The following KIAA0586 variants were observed in gnomAD, a reference collection of about 807,000 sequenced individuals.
KIAA0586 encodes the protein KIAA0586, also known as protein TALPID3.
In KIAA0586, 144 loss-of-function variants were observed where a neutral mutation model predicts 169.8. The observed-to-expected ratio is 0.85, with a 90% confidence interval of 0.74 to 0.97. The LOEUF (loss-of-function observed/expected upper bound fraction) is 0.97, where lower values mean the gene tolerates loss of function less well. KIAA0586 is among the 50% of genes least tolerant of loss of function. The probability of loss-of-function intolerance (pLI) is 0.00; values close to 1 mark genes in which losing one functional copy is unlikely to be tolerated. For synonymous variants in KIAA0586, 625 were observed against 612.4 expected (o/e 1.02, Z -0.30); for missense variants, 1,854 against 1,823.0 (o/e 1.02, Z -0.31).
chr14:58,458,552 C>A lies in KIAA0586; in HGVS notation c.1656+7C>A, dbSNP rs777449141. The stretch of plus-strand genomic sequence containing the variant: ...TATTTCTGCAGAAATTCAGGTATGT[C>A]TTGGAAAAAAACTGAAAATTAAGTG... On this transcript the variant is annotated splice_region_variant and intron_variant, in intron 12 of 30. Coordinates refer to ENST00000652326, the MANE Select transcript of KIAA0586 (RefSeq NM_001329943.3). 84 of 1,496,904 alleles carry A rather than the reference C, an allele frequency of 5.6e-5. No individual in the cohort carries two copies. The highest frequency in any genetic ancestry group is 7.5e-5 in the Non-Finnish European group (83 of 1,108,868). The allele number at this position is 1,496,904 out of a possible 1,614,324, so 92.7% of individuals were successfully genotyped here.
chr14:58,457,717 CGTT>C (rs1456392804), intron 10 of KIAA0586, 39 bp from the exon 11 acceptor site: 3 of 1,247,676 alleles, frequency 2.4e-6, no homozygotes, highest in Admixed American at 2.3e-5. Context: ...TTAAAGGAAT[CGTT>C]GTGAGTTTAG....
chr14:58,503,200 A>G (rs913531381), intron 27 of KIAA0586, among the ~76,000 whole-genome samples: 1 of 152,220 alleles, frequency 6.6e-6, no homozygotes, highest in African/African-American at 2.4e-5. Context: ...TATACCTAGA[A>G]CTATGTAAGT....
At chr14:58,443,524 G>A (rs770626868) in intron 5 of KIAA0586, among the ~76,000 whole-genome samples, 22 of 152,182 alleles carry the variant, frequency 1.4e-4, no homozygotes, top group Non-Finnish European at 2.6e-4. Flanking sequence ...CTGGGTTCAC[G>A]TGATTCCTCT....
At chr14:58,534,316 T>C (rs886337031) in intron 29 of KIAA0586, among the ~76,000 whole-genome samples, 1 of 152,208 alleles carries the variant, frequency 6.6e-6, no homozygotes, top group African/African-American at 2.4e-5. Context: ...CCTGGTATAA[T>C]ATAGGTGTAT....
At chr14:58,466,879 G>T (rs1165781150) in intron 15 of KIAA0586, among the ~76,000 whole-genome samples, 1 of 152,084 alleles carries the variant, frequency 6.6e-6, no homozygotes, top group East Asian at 1.9e-4. Flanking sequence ...AGCTGTGTGG[G>T]TGTGTAATCT....
At chr14:58,555,832 T>C (rs150215084), downstream of KIAA0586, among the ~76,000 whole-genome samples, 46 of 152,306 alleles carry the variant, frequency 3.0e-4, no homozygotes, top group African/African-American at 1.1e-3. Flanking sequence ...CAATTATAGC[T>C]TGTCTAAATT....
rs1408097943 is a variant in KIAA0586 at position 58,470,740 on chromosome 14, TATC to T, written c.2553+20_2553+22del. 3.9e-6 allele frequency: 5 copies of T among 1,289,450 alleles called. No homozygotes were observed. Among genetic ancestry groups the T allele is most frequent in the Non-Finnish European group, 5.6e-6 (5 of 887,012 alleles). The allele number at this position is 1,289,450 out of a possible 1,614,324, so 79.9% of individuals were successfully genotyped here. On this transcript the variant is annotated intron_variant, in intron 17 of 30. Coordinates refer to ENST00000652326, the MANE Select transcript of KIAA0586 (RefSeq NM_001329943.3). Reference sequence around the variant, plus strand: ...TGGATAAAGGTATATTTCAGAATTTTATCATATTATTTTGAGTAATGTCTGACT... The same window carrying T: ...TGGATAAAGGTATATTTCAGAATTTTATATTATTTTGAGTAATGTCTGACT...
At chr14:58,494,768 G>GC (rs2043054835) in intron 26 of KIAA0586, among the ~76,000 whole-genome samples, 1 of 152,126 alleles carries the variant, frequency 6.6e-6, no homozygotes, top group Admixed American at 6.5e-5. Flanking sequence ...AAGGAATGAT[G>GC]CCCACGGATG....
In KIAA0586 at chr14:58,444,126, A is replaced by G. The variant is rs754004993; in HGVS notation, c.758A>G (p.Gln253Arg). 8 of 1,613,660 alleles carry G rather than the reference A, an allele frequency of 5.0e-6. No homozygotes were observed. The South Asian group carries it at 8.8e-5, about 18-fold the overall frequency. The change falls in exon 6 of 31, where the codon CAG becomes CGG. Residue 253 changes from glutamine (Q) to arginine (R), a missense_variant. Coordinates refer to ENST00000652326, the MANE Select transcript of KIAA0586 (RefSeq NM_001329943.3). Reference sequence around the variant, plus strand: ...AAGCAAATGAATGTGTTTATGGAGCAGCACATAAGGCATCTTGAAAAGTTA... The same window carrying G: ...AAGCAAATGAATGTGTTTATGGAGCGGCACATAAGGCATCTTGAAAAGTTA... The part of the protein sequence containing the change: ...HEKQMNVFME[Q>R]HIRHLEKLQQ...
chr14:58,508,460 T>G, intron 27 of KIAA0586, 95 bp from the exon 28 acceptor site: 61 of 924,914 alleles, frequency 6.6e-5, no homozygotes, highest in Non-Finnish European at 9.1e-5. Flanking sequence ...ATTCAGCAGG[T>G]GAGAAATATT....
intron 4 of KIAA0586, among the ~76,000 whole-genome samples, chr14:58,437,582 T>C (rs1255786391): frequency 6.6e-6 from 1 of 151,516 alleles, no homozygotes; most frequent in Non-Finnish European, 1.5e-5. Flanking sequence ...TGGCATGTGC[T>C]TGTACTCCTC....
intron 30 of KIAA0586, chr14:58,544,005 C>T (rs757570795): frequency 5.3e-5 from 23 of 435,230 alleles, no homozygotes; most frequent in South Asian, 3.7e-4. Flanking sequence ...TTTTTCTGCT[C>T]CTCTTCTTCC....
At chr14:58,507,335 TA>T (rs1488011072) in intron 27 of KIAA0586, among the ~76,000 whole-genome samples, 13 of 146,544 alleles carry the variant, frequency 8.9e-5, no homozygotes, top group South Asian at 2.1e-4. Flanking sequence ...ATATGATATA[TA>T]AATATATAAT....
In KIAA0586 at chr14:58,467,890, G is replaced by GA; in HGVS notation, c.2417dup (p.Asp807GlyfsTer16). ...CATAGCCATTGTAGAAATGAAGTCA[G>GA]AAAAAAAGGATCCTCCTCAGCTTAC... On this transcript the variant is annotated frameshift_variant, in exon 16 of 31. Transcript: ENST00000652326. LOFTEE classifies it high-confidence loss of function. 6.2e-7 allele frequency: 1 copy of GA among 1,610,480 alleles called. No homozygotes were observed.
chr14:58,460,955 C>T (rs2040270766), intron 13 of KIAA0586, 31 bp from the exon 14 acceptor site: 2 of 1,468,374 alleles, frequency 1.4e-6, no homozygotes, highest in Non-Finnish European at 1.8e-6. Context: ...TGACTGTTTT[C>T]ATGGTGAGTT....
chr14:58,458,877 G>A (rs549543287), intron 12 of KIAA0586, among the ~76,000 whole-genome samples: 138 of 152,116 alleles, frequency 9.1e-4, no homozygotes, highest in African/African-American at 3.1e-3. Flanking sequence ...GCATTGACCC[G>A]CCAAAGTAAA....
chr14:58,487,448 G>A (rs566565351), intron 22 of KIAA0586, among the ~76,000 whole-genome samples: 14 of 151,838 alleles, frequency 9.2e-5, no homozygotes, highest in Non-Finnish European at 1.8e-4. Flanking sequence ...TCTACTAAAA[G>A]TACAAAAATT....
At chr14:58,533,050 A>G (rs1856661422) in intron 29 of KIAA0586, among the ~76,000 whole-genome samples, 1 of 152,226 alleles carries the variant, frequency 6.6e-6, no homozygotes. Flanking sequence ...TCTTGGGAAT[A>G]TAATTGCAGT....
At chr14:58,512,725 T>A in intron 29 of KIAA0586, 98 bp downstream of exon 29, 1 of 675,036 alleles carries the variant, frequency 1.5e-6, no homozygotes. Context: ...CCCACTGCTC[T>A]CTAGGTTTTT....
Sources: allele counts gnomAD v4.1 joint callset (sites outside exome capture counted in the v4.1 genomes callset), GRCh38; gene constraint gnomAD v4.1.1; transcripts MANE v1.5; gene names NCBI Gene and HGNC (gene_info 2026-07-23, HGNC 2026-07-21).